HPCAL4: variants seen among roughly 807,000 people sequenced by gnomAD.
The protein encoded by HPCAL4 is hippocalcin-like protein 4.
In HPCAL4, 16 loss-of-function variants were observed where a neutral mutation model predicts 18.2. The ratio of observed to expected loss-of-function variants is 0.88; its 90% CI spans 0.59 to 1.33. HPCAL4 has a LOEUF of 1.33. Ranked by LOEUF, HPCAL4 falls within the 40% of genes most tolerant of loss-of-function variation. The pLI is 0.00. For synonymous variants in HPCAL4, 80 were observed against 97.5 expected (o/e 0.82, Z 1.06); for missense variants, 214 against 256.6 (o/e 0.83, Z 1.14).
intron 3 of HPCAL4, 150 bp from the exon 4 acceptor site, chr1:39,682,883 G>T (rs1205688593): frequency 9.7e-6 from 6 of 619,402 alleles, no homozygotes; most frequent in African/African-American, 1.8e-5. Context: ...TATTTAATGA[G>T]CAACTCTTTT....
At position 39,681,263 on chromosome 1, in the gene HPCAL4, T is replaced by C. The variant is rs1646624506; in HGVS notation, c.*1273A>G. The C allele has an allele frequency of 6.6e-6, 1 of 152,212 alleles. No homozygotes were observed. The highest frequency in any genetic ancestry group is 2.4e-5 in the African/African-American group (1 of 41,448). 9.4% of individuals were successfully genotyped at this position (152,212 alleles called of 1,614,324 possible). On this transcript the variant is annotated 3_prime_UTR_variant, in exon 4 of 4. Coordinates refer to ENST00000372844, the MANE Select transcript of HPCAL4 (RefSeq NM_016257.4). ...GGCACATTTTTAGGCATTTCGTCCA[T>C]AAATTATGTCTGGGTGCCTAAACAG... is the stretch of plus-strand genomic sequence containing the variant.
chr1:39,684,372 C>G (rs1646656204), intron 2 of HPCAL4, 70 bp downstream of exon 2: 1 of 1,495,372 alleles, frequency 6.7e-7, no homozygotes, highest in Non-Finnish European at 9.0e-7. Flanking sequence ...CCCTGCCTCC[C>G]TCACCCCCGG....
chr1:39,688,208 C>A (rs1484653086), intron 1 of HPCAL4, among the ~76,000 whole-genome samples: 1 of 152,160 alleles, frequency 6.6e-6, no homozygotes, highest in Non-Finnish European at 1.5e-5. Flanking sequence ...CCATCTGGGG[C>A]CACAATCTCT....
intron 3 of HPCAL4, among the ~76,000 whole-genome samples, chr1:39,683,585 T>A (rs561943695): frequency 4.6e-5 from 7 of 152,312 alleles, no homozygotes; most frequent in South Asian, 2.1e-4. Context: ...TTTAAAAAAA[T>A]TTCTCACTAG....
chr1:39,687,724 G>T (rs785109), intron 1 of HPCAL4, among the ~76,000 whole-genome samples: 134,943 of 152,030 alleles, frequency 0.89, 60,083 homozygotes, highest in East Asian at 1. Flanking sequence ...GGCAAGATAA[G>T]GAAACCCTGT....
chr1:39,687,828 A>G (rs1646687896), intron 1 of HPCAL4, among the ~76,000 whole-genome samples: 1 of 152,062 alleles, frequency 6.6e-6, no homozygotes, highest in South Asian at 2.1e-4. Context: ...ACTTGAGCCC[A>G]GGAGGTTGAG....
Position 39,680,475 on chromosome 1 carries a change from G to A in HPCAL4, c.*2061C>T, listed in dbSNP as rs1347257504. 1 of 152,206 alleles carries A rather than the reference G, an allele frequency of 6.6e-6. No homozygotes were observed. The highest frequency in any genetic ancestry group is 1.5e-5 in the Non-Finnish European group (1 of 68,032). The allele number at this position is 152,206 out of a possible 1,614,324, so 9.4% of individuals were successfully genotyped here. A position where few individuals can be genotyped will look rare whatever the true frequency, so the allele number is the denominator to read the frequency against. On this transcript the variant is annotated 3_prime_UTR_variant, in exon 4 of 4. Coordinates refer to ENST00000372844, the MANE Select transcript of HPCAL4 (RefSeq NM_016257.4). ...ATTTGCAGGGAAGGAACCTCACTTA[G>A]TGAAAAGCTTTTCACCAGAAGATTT...
At chr1:39,684,188 G>GGGGGGGGCCCCCCCC in intron 2 of HPCAL4, 36 bp from the exon 3 acceptor site, 1 of 1,423,036 alleles carries the variant, frequency 7.0e-7, no homozygotes, top group Non-Finnish European at 9.5e-7. Context: ...CGCAGCGACA[G>GGGGGGGGCCCCCCCC]CCCCGCCCAC....
chr1:39,684,359 G>T (rs987769348), intron 2 of HPCAL4, 83 bp downstream of exon 2: 67 of 1,152,502 alleles, frequency 5.8e-5, no homozygotes, highest in Non-Finnish European at 6.9e-5. Context: ...TCATCCCAGG[G>T]TGCCCTGCCT....
chr1:39,689,269 A>T (rs1557756203), intron 1 of HPCAL4, among the ~76,000 whole-genome samples: 1 of 151,672 alleles, frequency 6.6e-6, no homozygotes, highest in African/African-American at 2.4e-5. Flanking sequence ...TAGCTCCCCT[A>T]CCCTGGTTCC....
chr1:39,684,598 C>T lies in HPCAL4; in HGVS notation c.6G>A (p.Gly2=). The change falls in exon 2 of 4, where the codon GGG becomes GGA. Residue 2 remains glycine, a synonymous_variant. Transcript: ENST00000372844. ...CGGGGGCCAGCTTGCTGTTGGTCTT[C>T]CCCATGGCGGGGCCTGTGGGACAGA... The part of the protein sequence containing the change: M[G]KTNSKLAPEV... 1.3e-6 allele frequency: 2 copies of T among 1,597,736 alleles called. No individual in the cohort carries two copies. Among genetic ancestry groups the T allele is most frequent in the Non-Finnish European group, 1.7e-6 (2 of 1,172,106 alleles).
At chr1:39,688,943 G>A (rs1039920789) in intron 1 of HPCAL4, among the ~76,000 whole-genome samples, 2 of 152,164 alleles carry the variant, frequency 1.3e-5, no homozygotes, top group Non-Finnish European at 2.9e-5. Context: ...CCCCACAGGC[G>A]TGTAGACTTC....
rs778373381 is a variant in HPCAL4 at position 39,681,342 on chromosome 1, A to G, written c.*1194T>C. 6.6e-6 allele frequency: 1 copy of G among 152,234 alleles called. No individual in the cohort carries two copies. The highest frequency in any genetic ancestry group is 2.4e-5 in the African/African-American group (1 of 41,458). 9.4% of individuals were successfully genotyped at this position (152,234 alleles called of 1,614,324 possible). A position where few individuals can be genotyped will look rare whatever the true frequency, so the allele number is the denominator to read the frequency against. On this transcript the variant is annotated 3_prime_UTR_variant, in exon 4 of 4. Coordinates refer to ENST00000372844, the MANE Select transcript of HPCAL4 (RefSeq NM_016257.4). ...TTTCTGATTCTGTGGCAGTGAAGGA[A>G]CAAGTCCAGTTCTGAAACTAAACCC... is the stretch of plus-strand genomic sequence containing the variant.
At position 39,684,067 on chromosome 1, in the gene HPCAL4, C is replaced by A. The variant is rs774410075; in HGVS notation, c.248G>T (p.Arg83Leu). ...DKNGDGTIDFREFICALSVTS... is the reference protein window; with the variant it reads ...DKNGDGTIDFLEFICALSVTS... ...GACCGACAGGGCGCAGATGAACTCC[C>A]GGAAGTCGATGGTGCCGTCGCCGTT... The change falls in exon 3 of 4, where the codon CGG (arginine) becomes CTG (leucine). Residue 83 changes from arginine to leucine, a missense_variant. Arg to Leu is a moderately radical substitution (Grantham distance 102). Transcript: ENST00000372844. The A allele has an allele frequency of 1.2e-6, 2 of 1,613,872 alleles. No homozygotes were observed. Among genetic ancestry groups the A allele is most frequent in the East Asian group, 2.2e-5 (1 of 44,884 alleles).
intron 2 of HPCAL4, 133 bp downstream of exon 2, chr1:39,684,289 CACCTCCCCCGCACCCCGGGT>C: frequency 1.2e-6 from 1 of 821,048 alleles, no homozygotes; most frequent in African/African-American, 4.2e-5. Flanking sequence ...CCGGGTGCCT[CACCTCCCCCGCACCCCGGGT>C]GCCTCGCCTC....
At chr1:39,683,803 G>A in intron 3 of HPCAL4, 134 bp downstream of exon 3, 1 of 758,166 alleles carries the variant, frequency 1.3e-6, no homozygotes, top group Non-Finnish European at 2.2e-6. Context: ...CGGGCCTGTA[G>A]CGGGGTGGTA....
chr1:39,689,585 C>T (rs546047579), intron 1 of HPCAL4, among the ~76,000 whole-genome samples: 334 of 152,316 alleles, frequency 2.2e-3, no homozygotes, highest in African/African-American at 7.8e-3. Flanking sequence ...GAGCTGTGGC[C>T]CTGCTGAACA....
At chr1:39,684,353 C>T (rs1646656050) in intron 2 of HPCAL4, 89 bp downstream of exon 2, 12 of 1,426,016 alleles carry the variant, frequency 8.4e-6, no homozygotes, top group Non-Finnish European at 1.1e-5. Context: ...CTCTTCTCAT[C>T]CCAGGGTGCC....
intron 1 of HPCAL4, among the ~76,000 whole-genome samples, chr1:39,686,109 A>G (rs554510293): frequency 2.0e-5 from 3 of 147,570 alleles, no homozygotes; most frequent in Non-Finnish European, 4.4e-5. Context: ...TCAACCCCAG[A>G]GGCGGAGCTT....
Sources: allele counts gnomAD v4.1 joint callset (sites outside exome capture counted in the v4.1 genomes callset), GRCh38; gene constraint gnomAD v4.1.1; transcripts MANE v1.5; gene names NCBI Gene and HGNC (gene_info 2026-07-23, HGNC 2026-07-21).